Variants in ASAP2 observed in about 807,000 individuals in gnomAD.
ASAP2 encodes the protein ArfGAP with SH3 domain, ankyrin repeat and PH domain 2.
A neutral mutation model predicts 131.4 loss-of-function variants in ASAP2; 45 were observed. The observed-to-expected ratio is 0.34, with a 90% CI of 0.27 to 0.44. The LOEUF (loss-of-function observed/expected upper bound fraction) is 0.44, where lower values mean the gene tolerates loss of function less well. Ranked by LOEUF, ASAP2 falls within the 20% of genes least tolerant of loss-of-function variation. The probability of loss-of-function intolerance (pLI) is 1.00; values close to 1 mark genes in which losing one functional copy is unlikely to be tolerated. For missense variants in ASAP2, 1,011 were observed against 1,297.0 expected (o/e 0.78, Z 3.39); for synonymous variants, 510 against 503.0 (o/e 1.01, Z -0.19).
intron 16 of ASAP2, among the ~76,000 whole-genome samples, chr2:9,371,593 G>C (rs1174454011): frequency 6.6e-6 from 1 of 152,176 alleles, no homozygotes; most frequent in Non-Finnish European, 1.5e-5. Context: ...ACACCCTCTA[G>C]TGGCCTGTGA....
At chr2:9,397,999 C>G (rs979080520) in intron 24 of ASAP2, among the ~76,000 whole-genome samples, 3 of 151,142 alleles carry the variant, frequency 2.0e-5, no homozygotes, top group Non-Finnish European at 4.4e-5. Context: ...ACCTCATGAT[C>G]CGCCCGCCTC....
chr2:9,249,597 C>T (rs1664568823), intron 1 of ASAP2, among the ~76,000 whole-genome samples: 1 of 152,234 alleles, frequency 6.6e-6, no homozygotes, highest in Non-Finnish European at 1.5e-5. Context: ...GCTGACCCAT[C>T]ACATAGACTG....
chr2:9,346,836 C>T (rs1318833115), intron 11 of ASAP2, among the ~76,000 whole-genome samples: 1 of 152,274 alleles, frequency 6.6e-6, no homozygotes, highest in African/African-American at 2.4e-5. Context: ...CCTTTGCTGA[C>T]AGCATAAACT....
At chr2:9,250,798 G>A (rs1350433319) in intron 1 of ASAP2, among the ~76,000 whole-genome samples, 1 of 152,216 alleles carries the variant, frequency 6.6e-6, no homozygotes, top group Non-Finnish European at 1.5e-5. Flanking sequence ...TATACCTGCG[G>A]GGTCCTAGGG....
At chr2:9,293,635 C>G (rs973739596) in intron 2 of ASAP2, among the ~76,000 whole-genome samples, 2 of 152,042 alleles carry the variant, frequency 1.3e-5, no homozygotes, top group Non-Finnish European at 2.9e-5. Flanking sequence ...TTGGGGTGAT[C>G]TGCAGCAGTG....
intron 9 of ASAP2, among the ~76,000 whole-genome samples, chr2:9,341,690 T>C (rs1354248524): frequency 1.3e-5 from 2 of 152,236 alleles, no homozygotes; most frequent in Non-Finnish European, 2.9e-5. Context: ...ACAGAGACGC[T>C]GTACAGGTGA....
At chr2:9,214,615 C>T (rs915688296) in intron 1 of ASAP2, among the ~76,000 whole-genome samples, 3 of 152,062 alleles carry the variant, frequency 2.0e-5, no homozygotes, top group Admixed American at 1.3e-4. Flanking sequence ...ACTACCAACC[C>T]GAGCTGGAAT....
At chr2:9,223,515 A>T (rs1193400790) in intron 1 of ASAP2, among the ~76,000 whole-genome samples, 1 of 152,192 alleles carries the variant, frequency 6.6e-6, no homozygotes, top group Non-Finnish European at 1.5e-5. Context: ...TTAGGGAGTA[A>T]CAGTGTCAGC....
chr2:9,354,269 C>T (rs1672541625), intron 12 of ASAP2, among the ~76,000 whole-genome samples: 1 of 152,230 alleles, frequency 6.6e-6, no homozygotes, highest in South Asian at 2.1e-4. Flanking sequence ...AGCCAGAGCC[C>T]TGGCCACAAG....
chr2:9,343,277 C>T (rs879810648), intron 9 of ASAP2, among the ~76,000 whole-genome samples: 1 of 152,206 alleles, frequency 6.6e-6, no homozygotes. Flanking sequence ...TAGGCGTTCT[C>T]ATTAAACACC....
At chr2:9,235,195 G>T (rs983806242) in intron 1 of ASAP2, among the ~76,000 whole-genome samples, 1 of 152,204 alleles carries the variant, frequency 6.6e-6, no homozygotes, top group Non-Finnish European at 1.5e-5. Context: ...AATCGAGTTA[G>T]AGATGGGGCC....
intron 1 of ASAP2, among the ~76,000 whole-genome samples, chr2:9,220,483 T>C (rs1662338421): frequency 6.6e-6 from 1 of 152,228 alleles, no homozygotes; most frequent in African/African-American, 2.4e-5. Context: ...ATTTTGAGTG[T>C]TGTTTTATAT....
intron 1 of ASAP2, among the ~76,000 whole-genome samples, chr2:9,252,777 G>A (rs748502055): frequency 2.6e-5 from 4 of 151,754 alleles, no homozygotes; most frequent in East Asian, 2.0e-4. Context: ...TTAGCCAGGC[G>A]TGGTGGCGGG....
chr2:9,304,401 C>T (rs748070244), intron 3 of ASAP2, among the ~76,000 whole-genome samples: 3 of 148,082 alleles, frequency 2.0e-5, no homozygotes, highest in Admixed American at 1.4e-4. Context: ...GCCAAATCTA[C>T]AAGGTACTGT....
At chr2:9,286,447 A>AAAAAAAAATATATATATATAT (rs58605449) in intron 2 of ASAP2, among the ~76,000 whole-genome samples, 6 of 148,490 alleles carry the variant, frequency 4.0e-5, no homozygotes, top group African/African-American at 1.5e-4. Flanking sequence ...GAAAAAAAAA[A>AAAAAAAAATATATATATATAT]ATATATATAT....
intron 1 of ASAP2, among the ~76,000 whole-genome samples, chr2:9,274,320 T>TC (rs1491332451): frequency 4.0e-4 from 1 of 2,520 alleles, no homozygotes; most frequent in African/African-American, 7.1e-4. Flanking sequence ...GCATTCAATC[T>TC]TTTTTTTTTT....
intron 11 of ASAP2, among the ~76,000 whole-genome samples, chr2:9,346,296 G>A (rs1029300262): frequency 6.6e-6 from 1 of 152,116 alleles, no homozygotes; most frequent in Admixed American, 6.5e-5. Context: ...GCATGGTGGT[G>A]CATGCCTGTA....
chr2:9,220,948 A>G (rs1455305374), intron 1 of ASAP2, among the ~76,000 whole-genome samples: 2 of 152,272 alleles, frequency 1.3e-5, no homozygotes, highest in East Asian at 3.9e-4. Flanking sequence ...CCTTTTTAAA[A>G]GTTGATTTAC....
chr2:9,314,619 G>A (rs1245328225), intron 3 of ASAP2, among the ~76,000 whole-genome samples: 1 of 152,170 alleles, frequency 6.6e-6, no homozygotes, highest in Non-Finnish European at 1.5e-5. Flanking sequence ...CACGAGAAGA[G>A]CCTGCCAAGT....
Sources: gnomAD v4.1 joint callset for allele counts (sites outside exome capture counted in the v4.1 genomes callset) on GRCh38, gnomAD v4.1.1 for gene constraint, MANE v1.5 for transcripts, NCBI Gene and HGNC (gene_info 2026-07-23, HGNC 2026-07-21) for gene names.